Variants in PDCD6 observed in about 807,000 individuals in gnomAD.
The protein encoded by PDCD6 is programmed cell death protein 6.
Under a neutral mutation model 28.3 loss-of-function variants are expected in PDCD6, and 12 were observed. The observed-to-expected ratio is 0.42, with a 90% confidence interval of 0.27 to 0.69. The LOEUF is 0.69. Among genes scored for constraint, PDCD6 ranks in the 30% least tolerant of loss-of-function variants. The pLI, the probability that PDCD6 is intolerant of heterozygous loss-of-function variation, is 0.22. For missense variants in PDCD6, 226 were observed against 269.9 expected (o/e 0.84, Z 1.14); for synonymous variants, 92 against 108.0 (o/e 0.85, Z 0.92).
At chr5:284,643 G>A (rs1434494229) in intron 2 of PDCD6, among the ~76,000 whole-genome samples, 1 of 92,810 alleles carries the variant, frequency 1.1e-5, no homozygotes, top group Admixed American at 1.1e-4. Flanking sequence ...TGAGGACCGT[G>A]CAGCTGGAGA....
chr5:308,816 T>G (rs545656847), intron 4 of PDCD6: 11 of 152,252 alleles, frequency 7.2e-5, no homozygotes, highest in African/African-American at 2.6e-4. Flanking sequence ...CATGGTGGAT[T>G]TCATAATCCA....
chr5:284,114 C>T (rs1738771645), intron 2 of PDCD6, among the ~76,000 whole-genome samples: 1 of 151,518 alleles, frequency 6.6e-6, no homozygotes, highest in Non-Finnish European at 1.5e-5. Flanking sequence ...GAGCTGGAGA[C>T]CTAGAGAGGA....
chr5:289,103 T>A (rs1208147205), intron 2 of PDCD6: 1 of 1,186,178 alleles, frequency 8.4e-7, no homozygotes, highest in African/African-American at 1.5e-5. Context: ...CATCAGATTA[T>A]TTTTCTTGAT....
intron 2 of PDCD6, among the ~76,000 whole-genome samples, chr5:274,475 G>A (rs1287198788): frequency 1.3e-5 from 2 of 152,198 alleles, no homozygotes; most frequent in Non-Finnish European, 2.9e-5. Context: ...GCCGTTACTG[G>A]GAGGGAGTAT....
intron 2 of PDCD6, among the ~76,000 whole-genome samples, chr5:279,799 A>C (rs1423011548): frequency 6.0e-5 from 9 of 148,850 alleles, no homozygotes; most frequent in South Asian, 4.2e-4. Context: ...AAAAAAAAAA[A>C]AAAAAAACGA....
In PDCD6 at chr5:286,367, G is replaced by A. The variant is rs146219809; in HGVS notation, c.163+13595G>A. Among the ~76,000 whole-genome samples, 78 of 152,232 alleles carry A rather than the reference G, an allele frequency of 5.1e-4. No homozygotes were observed. In the East Asian group the frequency reaches 7.7e-3, roughly 15 times the overall value. On this transcript the variant is annotated intron_variant, in intron 2 of 5. Transcript: ENST00000264933. ...TTGTTTTGAGAGCCGTGCAGCTGGA[G>A]ATCCGGGGGTGAGCTGATGTTCCCG...
rs151251305 is a variant in PDCD6 at position 307,285 on chromosome 5, G to A, written c.367+525G>A. ...GTGTGTGTGCACACGTGTGCCGTGCGCCTCAGAAGGGGCGTTAGGCAGAAC... is the reference window on the plus strand; with the variant it reads ...GTGTGTGTGCACACGTGTGCCGTGCACCTCAGAAGGGGCGTTAGGCAGAAC... On this transcript the variant is annotated intron_variant, in intron 4 of 5. Transcript: ENST00000264933. This position sits in a 1 kb window ranked among gnomAD's most constrained non-coding sequence, Gnocchi z 6.1. Among the ~76,000 whole-genome samples the A allele has an allele frequency of 0.034, 3,910 of 114,512 alleles. 117 individuals carry two copies. The highest frequency in any genetic ancestry group is 0.052 in the Admixed American group (658 of 12,582). The allele number at this position is 114,512 out of a possible 152,430, so 75.1% of individuals were successfully genotyped here.
At chr5:302,111 T>TGTGTGTGTGTGTGTG (rs1561046622) in intron 2 of PDCD6, among the ~76,000 whole-genome samples, 22 of 115,572 alleles carry the variant, frequency 1.9e-4, no homozygotes, top group South Asian at 3.0e-4. Flanking sequence ...TGTGTGTGCC[T>TGTGTGTGTGTGTGTG]TGGGTTCAGG....
intron 4 of PDCD6, chr5:310,680 C>G (rs1385393415): frequency 6.5e-6 from 1 of 152,876 alleles, no homozygotes; most frequent in East Asian, 1.9e-4. Flanking sequence ...CCCTTGGTGG[C>G]CCTGCAGTGA....
intron 5 of PDCD6, among the ~76,000 whole-genome samples, chr5:313,411 C>T (rs553617642): frequency 6.6e-6 from 1 of 152,098 alleles, no homozygotes; most frequent in Non-Finnish European, 1.5e-5. Flanking sequence ...TGGGTGAGGC[C>T]GTAGCCTCTG....
intron 2 of PDCD6, among the ~76,000 whole-genome samples, chr5:294,199 A>G (rs567802382): frequency 3.3e-5 from 5 of 151,850 alleles, no homozygotes; most frequent in Non-Finnish European, 7.3e-5. Context: ...GACAAATTAA[A>G]TTGTCATAAA....
chr5:299,963 A>G (rs934316172), intron 2 of PDCD6, among the ~76,000 whole-genome samples: 4 of 152,148 alleles, frequency 2.6e-5, no homozygotes, highest in African/African-American at 9.7e-5. Flanking sequence ...CCTGTAAAGT[A>G]CATGTCCAGT....
chr5:295,510 G>A (rs1315816779), intron 2 of PDCD6, among the ~76,000 whole-genome samples: 4 of 147,716 alleles, frequency 2.7e-5, no homozygotes, highest in Admixed American at 6.8e-5. Flanking sequence ...CAAGGTTGTG[G>A]TGAAGGAAAT....
At chr5:297,343 TAAAAA>T in intron 2 of PDCD6, among the ~76,000 whole-genome samples, 1 of 152,252 alleles carries the variant, frequency 6.6e-6, no homozygotes, top group East Asian at 1.9e-4. Flanking sequence ...CCGTTACCCT[TAAAAA>T]GTAAAGGGTA....
At chr5:289,515 C>T (rs1419461067) in intron 2 of PDCD6, 9 of 727,438 alleles carry the variant, frequency 1.2e-5, no homozygotes, top group Middle Eastern at 2.4e-4. Context: ...CTACCATAAC[C>T]GAAGAAATTT....
chr5:298,644 C>CG (rs1319239979), intron 2 of PDCD6, among the ~76,000 whole-genome samples: 1 of 79,820 alleles, frequency 1.3e-5, no homozygotes. Context: ...GCTGCTCCCC[C>CG]CAGCTGCTCC....
At chr5:279,124 A>G (rs189634680) in intron 2 of PDCD6, among the ~76,000 whole-genome samples, 44 of 152,288 alleles carry the variant, frequency 2.9e-4, no homozygotes, top group African/African-American at 1.1e-3. Flanking sequence ...CTGGTGAAGA[A>G]GAATTCCAGT....
intron 2 of PDCD6, among the ~76,000 whole-genome samples, chr5:284,358 C>A (rs1738786960): frequency 6.6e-6 from 1 of 152,010 alleles, no homozygotes; most frequent in Non-Finnish European, 1.5e-5. Context: ...CGGGGAGGAG[C>A]TGTTCTGGTT....
At chr5:291,329 T>C (rs1739298531) in intron 2 of PDCD6, among the ~76,000 whole-genome samples, 1 of 152,240 alleles carries the variant, frequency 6.6e-6, no homozygotes, top group African/African-American at 2.4e-5. Context: ...CTGCCCTGCA[T>C]GGCTCTGAGC....
Sources: gnomAD v4.1 joint callset for allele counts (sites outside exome capture counted in the v4.1 genomes callset) on GRCh38, gnomAD v4.1.1 for gene constraint, Gnocchi (gnomAD v3.1) non-coding constraint, MANE v1.5 for transcripts, NCBI Gene and HGNC (gene_info 2026-07-23, HGNC 2026-07-21) for gene names.